The following MSTO1 variants were observed in gnomAD, a reference collection of about 807,000 sequenced individuals.
MSTO1 encodes misato mitochondrial distribution and morphology regulator 1.
A neutral mutation model predicts 55.7 loss-of-function variants in MSTO1; 24 were observed. The observed-to-expected ratio is 0.43, with a 90% CI of 0.31 to 0.61. MSTO1 has a LOEUF of 0.61. MSTO1 is among the 20% of genes least tolerant of loss of function. The pLI is 0.09. For missense variants in MSTO1, 363 were observed against 625.7 expected, an observed-to-expected ratio of 0.58 and a Z score of 4.48; for synonymous variants, 162 against 252.8, an observed-to-expected ratio of 0.64 and a Z score of 3.41.
the MSTO1 span, among the ~76,000 whole-genome samples, chr1:155,569,434 CT>C: frequency 1.6e-3 from 141 of 89,780 alleles, no homozygotes; most frequent in East Asian, 8.8e-3. Context: ...TGCGCCCGGT[CT>C]TTTTTTTTTT....
chr1:155,575,511 C>T, the MSTO1 span, among the ~76,000 whole-genome samples: 4 of 151,930 alleles, frequency 2.6e-5, no homozygotes, highest in African/African-American at 4.8e-5. Context: ...GGTGCAATCA[C>T]GGCTCACTGC....
At chr1:155,608,998 G>C (rs1199932155), upstream of MSTO1, among the ~76,000 whole-genome samples, 1 of 145,648 alleles carries the variant, frequency 6.9e-6, no homozygotes, top group Non-Finnish European at 1.5e-5. Flanking sequence ...TACATGTTTT[G>C]TATTTTTAGT....
chr1:155,612,163 G>A lies in MSTO1; in HGVS notation c.679-19G>A, dbSNP rs749643582. On this transcript the variant is annotated intron_variant, in intron 7 of 13. Coordinates refer to ENST00000245564, the MANE Select transcript of MSTO1 (RefSeq NM_018116.4). Reference sequence around the variant, plus strand: ...CTTCTCATCCTGCTAACTATCTTTTGTCACTCACCCCCGTCCAGGGCTTCC... The same window carrying A: ...CTTCTCATCCTGCTAACTATCTTTTATCACTCACCCCCGTCCAGGGCTTCC... 4 of 1,613,794 alleles carry A rather than the reference G, an allele frequency of 2.5e-6. No individual in the cohort carries two copies. The highest frequency in any genetic ancestry group is 1.7e-5 in the Admixed American group (1 of 60,012).
chr1:155,590,617 G>T, the MSTO1 span: 1 of 1,349,912 alleles, frequency 7.4e-7, no homozygotes, highest in Non-Finnish European at 1.0e-6. Flanking sequence ...GTAATTCTTG[G>T]TAGGGTACTC....
At chr1:155,604,306 G>C in the MSTO1 span, among the ~76,000 whole-genome samples, 2 of 152,058 alleles carry the variant, frequency 1.3e-5, no homozygotes, top group East Asian at 1.9e-4. Context: ...TAAAGAACCT[G>C]TTCAAAACTG....
intron 4 of MSTO1, 82 bp downstream of exon 4, chr1:155,611,373 T>C: frequency 6.2e-7 from 1 of 1,612,758 alleles, no homozygotes; most frequent in Non-Finnish European, 8.5e-7. Flanking sequence ...GGGATTTTAA[T>C]CATTTTAAGT....
intron 2 of MSTO1, 134 bp from the exon 3 acceptor site, chr1:155,610,905 A>AT (rs1454774619): frequency 2.0e-5 from 7 of 347,774 alleles, no homozygotes; most frequent in African/African-American, 6.4e-5. Flanking sequence ...ACTAGTGTAT[A>AT]TCCCAGAAAG....
the MSTO1 span, among the ~76,000 whole-genome samples, chr1:155,587,699 G>C: frequency 5.4e-5 from 8 of 147,106 alleles, no homozygotes; most frequent in African/African-American, 1.3e-4. Context: ...AGCCGAGATC[G>C]CGCCACTGCA....
the MSTO1 span, among the ~76,000 whole-genome samples, chr1:155,587,524 A>G: frequency 4.0e-5 from 6 of 150,034 alleles, no homozygotes; most frequent in Admixed American, 2.7e-4. Flanking sequence ...CGGGTGGATC[A>G]CGAGGTCAGG....
chr1:155,595,924 G>A, the MSTO1 span, among the ~76,000 whole-genome samples: 1 of 152,192 alleles, frequency 6.6e-6, no homozygotes, highest in Admixed American at 6.5e-5. Flanking sequence ...CAGGATTCCA[G>A]CAGTATCTAG....
chr1:155,582,032 C>T, the MSTO1 span, among the ~76,000 whole-genome samples: 6 of 151,094 alleles, frequency 4.0e-5, no homozygotes, highest in Non-Finnish European at 8.9e-5. Context: ...CTCGGCTCAC[C>T]GCAACCTCCA....
intron 9 of MSTO1, 62 bp from the exon 10 acceptor site, chr1:155,612,782 C>G: frequency 6.3e-7 from 1 of 1,596,438 alleles, no homozygotes; most frequent in Non-Finnish European, 8.6e-7. Flanking sequence ...TGTTAATATT[C>G]TGCCTCCACA....
the MSTO1 span, chr1:155,586,769 ACT>A: frequency 2.3e-6 from 1 of 442,826 alleles, no homozygotes; most frequent in South Asian, 1.7e-5. Flanking sequence ...TATTTTTTTA[ACT>A]CAGTCTTGCT....
chr1:155,592,967 A>C, the MSTO1 span, among the ~76,000 whole-genome samples: 1 of 151,906 alleles, frequency 6.6e-6, no homozygotes, highest in Non-Finnish European at 1.5e-5. Context: ...GCTGGAGTGC[A>C]ATGGCACGAT....
chr1:155,595,382 G>A, the MSTO1 span, among the ~76,000 whole-genome samples: 38 of 151,960 alleles, frequency 2.5e-4, no homozygotes, highest in African/African-American at 7.7e-4. Flanking sequence ...GTTTCACTGC[G>A]CTAGCCAGGA....
chr1:155,598,977 C>A, the MSTO1 span: 1 of 999,516 alleles, frequency 1.0e-6, no homozygotes, highest in Non-Finnish European at 1.5e-6. Flanking sequence ...CCGTGGTAGT[C>A]TTGTAGCTTT....
At chr1:155,607,202 GTCTTTC>G (rs1382476746), upstream of MSTO1, among the ~76,000 whole-genome samples, 1 of 151,624 alleles carries the variant, frequency 6.6e-6, no homozygotes, top group East Asian at 2.0e-4. Flanking sequence ...TTGAGTTGGA[GTCTTTC>G]TCTGTCACCA....
the MSTO1 span, among the ~76,000 whole-genome samples, chr1:155,604,205 T>A: frequency 6.6e-6 from 1 of 152,252 alleles, no homozygotes; most frequent in Non-Finnish European, 1.5e-5. Flanking sequence ...TCTTTTTCAA[T>A]AGAAGTTATA....
chr1:155,601,914 C>A, the MSTO1 span, among the ~76,000 whole-genome samples: 3 of 152,114 alleles, frequency 2.0e-5, no homozygotes, highest in Non-Finnish European at 4.4e-5. Context: ...GCCACTATGC[C>A]CAGCTAATTT....
Sources: gnomAD v4.1 joint callset for allele counts (sites outside exome capture counted in the v4.1 genomes callset) on GRCh38, gnomAD v4.1.1 for gene constraint, MANE v1.5 for transcripts, NCBI Gene and HGNC (gene_info 2026-07-23, HGNC 2026-07-21) for gene names.